SHPRH: variants seen among roughly 807,000 people sequenced by gnomAD.
SHPRH encodes the protein SNF2 histone linker PHD RING helicase.
A neutral mutation model predicts 202.5 loss-of-function variants in SHPRH; 106 were observed. The ratio of observed to expected loss-of-function variants is 0.52; its 90% confidence interval spans 0.45 to 0.62. The LOEUF is 0.62. SHPRH is among the 20% of genes least tolerant of loss of function. The pLI is 0.00. For missense variants in SHPRH, 1,710 were observed against 2,020.0 expected (o/e 0.85, Z 2.94); for synonymous variants, 729 against 686.0 (o/e 1.06, Z -0.98).
At chr6:145,879,174 T>C (rs569757245) in intron 2 of SHPRH, among the ~76,000 whole-genome samples, 17 of 152,316 alleles carry the variant, frequency 1.1e-4, no homozygotes, top group Non-Finnish European at 2.2e-4. Context: ...GCCATAGTTA[T>C]CATATTTTTA....
chr6:145,954,623 A>G (rs1788310575), intron 2 of SHPRH, 67 bp downstream of exon 2: 1 of 1,487,476 alleles, frequency 6.7e-7, no homozygotes, highest in African/African-American at 1.4e-5. Context: ...TTCTCTCACA[A>G]GTTAATTTAA....
intron 17 of SHPRH, 78 bp from the exon 18 acceptor site, chr6:145,923,863 T>C (rs1784636597): frequency 2.1e-6 from 3 of 1,434,136 alleles, no homozygotes; most frequent in Non-Finnish European, 1.9e-6. Context: ...GGCAGGGTGA[T>C]GCCAAAATTC....
intron 2 of SHPRH, among the ~76,000 whole-genome samples, chr6:145,874,146 C>T (rs764734705): frequency 2.0e-5 from 3 of 151,632 alleles, no homozygotes; most frequent in African/African-American, 4.9e-5. Flanking sequence ...TGCAGTGAGC[C>T]GAGATCGTGC....
At chr6:145,938,327 T>C (rs915638636) in intron 11 of SHPRH, among the ~76,000 whole-genome samples, 8 of 152,186 alleles carry the variant, frequency 5.3e-5, no homozygotes, top group African/African-American at 1.7e-4. Context: ...TCCTCGCCAG[T>C]TGCCAGTGTC....
chr6:145,935,677 AT>A, intron 11 of SHPRH: 1 of 452,676 alleles, frequency 2.2e-6, no homozygotes, highest in Non-Finnish European at 3.9e-6. Context: ...GCAACCATTC[AT>A]TACATACAGC....
At chr6:145,887,411 T>C (rs1387075138) in intron 29 of SHPRH, among the ~76,000 whole-genome samples, 1 of 152,130 alleles carries the variant, frequency 6.6e-6, no homozygotes, top group Non-Finnish European at 1.5e-5. Flanking sequence ...TTAAATAAAT[T>C]ATACCATAAA....
At chr6:145,912,994 G>C (rs1783635201) in intron 24 of SHPRH, among the ~76,000 whole-genome samples, 1 of 151,970 alleles carries the variant, frequency 6.6e-6, no homozygotes, top group African/African-American at 2.4e-5. Flanking sequence ...TAATATAGTG[G>C]TCTACCAAAA....
At position 145,922,364 on chromosome 6, in the gene SHPRH, T is replaced by C. The variant is rs1329292003; in HGVS notation, c.3720-16A>G. On this transcript the variant is annotated splice_polypyrimidine_tract_variant and intron_variant, in intron 19 of 29. Transcript: ENST00000275233. ...AAAGACACAGCTGAAAAAAAAGAGA[T>C]TAACAGAAATATTCACAAACATAAC... 3.2e-6 allele frequency: 5 copies of C among 1,553,092 alleles called. No individual in the cohort carries two copies. Among genetic ancestry groups the C allele is most frequent in the Non-Finnish European group, 1.7e-6 (2 of 1,160,350 alleles).
intron 1 of SHPRH, among the ~76,000 whole-genome samples, chr6:145,958,919 A>G (rs1040008145): frequency 6.6e-6 from 1 of 151,762 alleles, no homozygotes; most frequent in Non-Finnish European, 1.5e-5. Flanking sequence ...TGCAAGCTCC[A>G]CCTCCTGGGT....
chr6:145,941,917 C>T, intron 9 of SHPRH, 43 bp from the exon 10 acceptor site: 1 of 1,597,706 alleles, frequency 6.3e-7, no homozygotes, highest in Non-Finnish European at 8.5e-7. Flanking sequence ...AAAAGGCTCA[C>T]TAAAGGCAAT....
chr6:145,923,747 G>C lies in SHPRH; in HGVS notation c.3441C>G (p.His1147Gln). 6.2e-7 allele frequency: 1 copy of C among 1,611,132 alleles called. No homozygotes were observed. The highest frequency in any genetic ancestry group is 2.2e-5 in the East Asian group (1 of 44,794). Residue 1147 changes from histidine to glutamine, a missense_variant, in exon 18 of 30, where the codon CAC becomes CAG. Physicochemically the swap from His to Gln is conservative, Grantham distance 24. Transcript: ENST00000275233. The stretch of plus-strand genomic sequence containing the variant: ...CATCAATAGTAAATTCTATTGCTCT[G>C]TGGATCACATTTAGCCACCAAGGAG... ...SNSPWWLNVI[H>Q]RAIEFTIDEE...
chr6:145,865,099 T>C (rs1779718949), intron 2 of SHPRH, among the ~76,000 whole-genome samples: 1 of 152,194 alleles, frequency 6.6e-6, no homozygotes, highest in Non-Finnish European at 1.5e-5. Context: ...TTGCCCATAA[T>C]TGTGACCATC....
chr6:145,923,080 T>A (rs1186050721), intron 18 of SHPRH, among the ~76,000 whole-genome samples: 2 of 151,672 alleles, frequency 1.3e-5, no homozygotes, highest in Admixed American at 6.6e-5. Flanking sequence ...AAAAAGAGCA[T>A]GAAAAATGTA....
intron 2 of SHPRH, among the ~76,000 whole-genome samples, chr6:145,869,815 TTTTC>T (rs1419012638): frequency 1.5e-5 from 2 of 129,174 alleles, no homozygotes; most frequent in African/African-American, 5.2e-5. Context: ...TTGGTTTTTC[TTTTC>T]TTTTTTTTTT....
intron 23 of SHPRH, among the ~76,000 whole-genome samples, chr6:145,916,562 T>G (rs1006345414): frequency 6.6e-6 from 1 of 152,196 alleles, no homozygotes; most frequent in Admixed American, 6.5e-5. Context: ...GTAATTTGAT[T>G]TTCCATCATT....
chr6:145,906,211 C>G (rs1017134074), intron 25 of SHPRH: 1 of 152,016 alleles, frequency 6.6e-6, no homozygotes, highest in Non-Finnish European at 1.5e-5. Flanking sequence ...TTTATTGAAC[C>G]CTACCCTACA....
At chr6:145,957,682 T>C (rs1196520471) in intron 1 of SHPRH, among the ~76,000 whole-genome samples, 1 of 152,062 alleles carries the variant, frequency 6.6e-6, no homozygotes, top group Admixed American at 6.6e-5. Flanking sequence ...ACTAAAATAG[T>C]CAAAAATTTA....
chr6:145,888,936 G>C (rs1562285333), intron 28 of SHPRH, among the ~76,000 whole-genome samples: 1 of 152,166 alleles, frequency 6.6e-6, no homozygotes, highest in Non-Finnish European at 1.5e-5. Context: ...CGAGATTTCT[G>C]ATCTGGGCAG....
intron 1 of SHPRH, among the ~76,000 whole-genome samples, chr6:145,962,999 T>C (rs1163083775): frequency 6.6e-6 from 1 of 152,254 alleles, no homozygotes; most frequent in African/African-American, 2.4e-5. Context: ...ATAAAAGTTT[T>C]GTTTTAATAA....
Sources: gnomAD v4.1 joint callset for allele counts (sites outside exome capture counted in the v4.1 genomes callset) on GRCh38, gnomAD v4.1.1 for gene constraint, MANE v1.5 for transcripts, NCBI Gene and HGNC (gene_info 2026-07-23, HGNC 2026-07-21) for gene names.